Variants in TPO observed in about 807,000 individuals in gnomAD.
TPO encodes the protein thyroid peroxidase, also known as thyroid microsomal antigen.
Under a neutral mutation model 96.9 loss-of-function variants are expected in TPO, and 78 were observed. The observed-to-expected ratio is 0.81, with a 90% CI of 0.67 to 0.97. The LOEUF (loss-of-function observed/expected upper bound fraction) is 0.97. Ranked by LOEUF, TPO falls within the 50% of genes least tolerant of loss-of-function variation. The probability of loss-of-function intolerance (pLI) is 0.00; values close to 1 mark genes in which losing one functional copy is unlikely to be tolerated. For synonymous variants in TPO, 547 were observed against 538.0 expected (o/e 1.02, Z -0.23); for missense variants, 1,252 against 1,274.8 (o/e 0.98, Z 0.27).
intron 5 of TPO, among the ~76,000 whole-genome samples, chr2:1,441,196 T>C (rs908912738): frequency 1.3e-5 from 2 of 152,102 alleles, no homozygotes; most frequent in African/African-American, 4.8e-5. Flanking sequence ...GGCAGGGTCC[T>C]TCTTGTTTGT....
chr2:1,412,970 A>AT (rs1662510963), upstream of TPO, among the ~76,000 whole-genome samples: 1 of 152,062 alleles, frequency 6.6e-6, no homozygotes, highest in Non-Finnish European at 1.5e-5. Flanking sequence ...AACTGTGCTC[A>AT]TTTTTCACCT....
At position 1,425,861 on chromosome 2, in the gene TPO, G is replaced by A. The variant is rs1205090008; in HGVS notation, c.179+2732G>A. ...GATGCCAGGATACAGAGATGAGTTC[G>A]ATCATTTCATATCCTCAGAAGTCTG... On this transcript the variant is annotated intron_variant, in intron 3 of 16. Coordinates refer to ENST00000329066, the MANE Select transcript of TPO (RefSeq NM_001206744.2). Among the ~76,000 whole-genome samples the A allele has an allele frequency of 2.7e-5, 4 of 150,330 alleles. No individual in the cohort carries two copies. In the South Asian group the frequency reaches 6.4e-4, roughly 24 times the overall value.
chr2:1,492,593 C>A (rs1257436563), intron 10 of TPO, among the ~76,000 whole-genome samples: 1 of 152,190 alleles, frequency 6.6e-6, no homozygotes, highest in Non-Finnish European at 1.5e-5. Context: ...CTTCCCAGAC[C>A]AACTGGAGGA....
At chr2:1,449,564 A>G (rs1360899828) in intron 5 of TPO, among the ~76,000 whole-genome samples, 1 of 152,230 alleles carries the variant, frequency 6.6e-6, no homozygotes, top group Non-Finnish European at 1.5e-5. Context: ...ATGTGTGTCT[A>G]TTAAGAGTTT....
At chr2:1,496,891 A>G in intron 13 of TPO, 126 bp downstream of exon 13, 1 of 1,427,340 alleles carries the variant, frequency 7.0e-7, no homozygotes, top group Non-Finnish European at 9.6e-7. Flanking sequence ...CCCAGGAGCA[A>G]TCTGGGGATA....
chr2:1,512,188 C>T (rs1004550978), intron 14 of TPO, among the ~76,000 whole-genome samples: 10 of 152,170 alleles, frequency 6.6e-5, no homozygotes, highest in East Asian at 3.9e-4. Context: ...CGCCCGCCAC[C>T]ACGCCCGGCT....
chr2:1,399,321 A>C (rs1662130879), intron 1 of TPO, among the ~76,000 whole-genome samples: 1 of 152,096 alleles, frequency 6.6e-6, no homozygotes, highest in Non-Finnish European at 1.5e-5. Context: ...TGGGCTTCCA[A>C]CTCTGGCCTT....
intron 10 of TPO, among the ~76,000 whole-genome samples, chr2:1,488,888 TAA>T (rs1213871850): frequency 6.6e-6 from 1 of 152,192 alleles, no homozygotes; most frequent in African/African-American, 2.4e-5. Flanking sequence ...ATCTGGGGAC[TAA>T]ATGTGAGTTG....
At chr2:1,453,619 G>A in intron 5 of TPO, 75 bp from the exon 6 acceptor site, 2 of 1,610,542 alleles carry the variant, frequency 1.2e-6, no homozygotes, top group African/African-American at 1.3e-5. Flanking sequence ...TGAGAATGGT[G>A]TCTTATATCT....
chr2:1,525,944 C>T (rs1676366178), intron 15 of TPO, among the ~76,000 whole-genome samples: 1 of 141,164 alleles, frequency 7.1e-6, no homozygotes, highest in South Asian at 2.4e-4. Flanking sequence ...TCCTCATATC[C>T]CCCGACTGTT....
chr2:1,419,890 A>G (rs1376347631), intron 2 of TPO, among the ~76,000 whole-genome samples: 4 of 152,140 alleles, frequency 2.6e-5, no homozygotes, highest in South Asian at 2.1e-4. Flanking sequence ...TCTAATTTCA[A>G]TGCCCCAGAA....
chr2:1,529,765 C>A (rs1373746202), intron 15 of TPO, among the ~76,000 whole-genome samples: 1 of 103,496 alleles, frequency 9.7e-6, no homozygotes, highest in Non-Finnish European at 1.8e-5. Flanking sequence ...CTGTGTGCAA[C>A]CTCCTCTAAT....
chr2:1,492,485 T>C (rs1445420094), intron 10 of TPO, among the ~76,000 whole-genome samples: 1 of 152,222 alleles, frequency 6.6e-6, no homozygotes, highest in African/African-American at 2.4e-5. Flanking sequence ...ATCTCACTCA[T>C]GCCTTCCTCT....
intron 7 of TPO, among the ~76,000 whole-genome samples, chr2:1,461,303 G>A (rs1252909216): frequency 2.6e-5 from 4 of 152,202 alleles, no homozygotes; most frequent in Non-Finnish European, 5.9e-5. Flanking sequence ...GGCTGCGTTC[G>A]TATAAAGATA....
intron 14 of TPO, 137 bp downstream of exon 14, chr2:1,504,216 G>A (rs949575960): frequency 3.7e-5 from 55 of 1,492,360 alleles, no homozygotes; most frequent in Non-Finnish European, 4.2e-5. Flanking sequence ...CCAAGCCCAC[G>A]GTGCCCGAGG....
intron 5 of TPO, chr2:1,438,925 T>C (rs908675396): frequency 4.2e-6 from 3 of 709,002 alleles, no homozygotes; most frequent in Non-Finnish European, 7.8e-6. Context: ...AGTCAAAGCT[T>C]TTCTCCAATG....
intron 10 of TPO, among the ~76,000 whole-genome samples, chr2:1,493,216 G>GGC (rs1381638560): frequency 8.4e-6 from 1 of 118,734 alleles, no homozygotes. Flanking sequence ...GGGTGGGGGG[G>GGC]GGGGTGCTGG....
rs779508239 is a variant in TPO, at chr2:1,503,967, C to T, written c.2406C>T (p.Asp802=). The change falls in exon 14 of 17, where the codon GAC becomes GAT. Residue 802 remains aspartate, a synonymous_variant. Transcript: ENST00000329066. ...TGGCAGATGTGAACGAGTGTGCAGA[C>T]GGTGCCCACCCCCCCTGCCACGCCT... ...PLCKDVNECA[D]GAHPPCHASA... is the part of the protein sequence containing the mutation. 68 of 1,614,006 alleles carry T rather than the reference C, an allele frequency of 4.2e-5. No individual in the cohort carries two copies. Among genetic ancestry groups the T allele is most frequent in the East Asian group, 2.2e-4 (10 of 44,880 alleles).
intron 7 of TPO, among the ~76,000 whole-genome samples, chr2:1,475,450 A>G (rs190370182): frequency 0.019 from 2,864 of 149,752 alleles, 101 homozygotes; most frequent in African/African-American, 0.067. Flanking sequence ...TTGAGACGGA[A>G]TCTCGCTCTG....
Sources: allele counts gnomAD v4.1 joint callset (sites outside exome capture counted in the v4.1 genomes callset), GRCh38; gene constraint gnomAD v4.1.1; transcripts MANE v1.5; gene names NCBI Gene and HGNC (gene_info 2026-07-23, HGNC 2026-07-21).